The following UGCG variants were observed in gnomAD, a reference collection of about 807,000 sequenced individuals.
UGCG encodes UDP-glucose ceramide glucosyltransferase.
UGCG carries 10 observed loss-of-function variants against 49.5 expected under a neutral mutation model. That is an observed-to-expected ratio of 0.20 (90% CI 0.12 to 0.34). The LOEUF is 0.34. Ranked by LOEUF, UGCG falls within the 10% of genes least tolerant of loss-of-function variation. The pLI, the probability that UGCG is intolerant of heterozygous loss-of-function variation, is 1.00. For synonymous variants in UGCG, 182 were observed against 158.2 expected, an observed-to-expected ratio of 1.15 and a Z score of -1.13; for missense variants, 312 against 483.7, an observed-to-expected ratio of 0.65 and a Z score of 3.33.
chr9:111,916,308 A>G (rs1838108732), intron 2 of UGCG, among the ~76,000 whole-genome samples: 2 of 152,204 alleles, frequency 1.3e-5, no homozygotes, highest in African/African-American at 2.4e-5. Context: ...ACTTAATCTC[A>G]CATTTCAGTT....
rs143847966 is a variant in UGCG at position 111,932,865 on chromosome 9, C to T, written c.1053C>T (p.Val351=). 41 of 1,609,044 alleles carry T rather than the reference C, an allele frequency of 2.5e-5. No homozygotes were observed. Among genetic ancestry groups the T allele is most frequent in the Middle Eastern group, 3.3e-4 (2 of 6,054 alleles). Residue 351 remains valine (V), a synonymous_variant, in exon 9 of 9, where the codon GTC becomes GTT. Coordinates refer to ENST00000374279, the MANE Select transcript of UGCG (RefSeq NM_003358.3). ...TLCFSKLDYA[V]AWFIRESMTI... ...GTTTTTCAAAACTTGATTATGCAGT[C>T]GCCTGGTTCATCCGCGAATCCATGA...
chr9:111,918,539 T>G (rs1434486323), intron 2 of UGCG, among the ~76,000 whole-genome samples: 1 of 152,242 alleles, frequency 6.6e-6, no homozygotes, highest in Non-Finnish European at 1.5e-5. Context: ...TCTGAACTTT[T>G]TTTTGGATAA....
chr9:111,908,303 A>G (rs887985423), intron 1 of UGCG, among the ~76,000 whole-genome samples: 6 of 152,236 alleles, frequency 3.9e-5, no homozygotes, highest in African/African-American at 1.4e-4. Context: ...TCTCACAAAC[A>G]TAACGCAACC....
chr9:111,916,240 A>G (rs1039389587), intron 2 of UGCG, among the ~76,000 whole-genome samples: 6 of 152,216 alleles, frequency 3.9e-5, no homozygotes, highest in Admixed American at 6.5e-5. Flanking sequence ...GAAATTTTCT[A>G]TTGATTATGA....
intron 1 of UGCG, among the ~76,000 whole-genome samples, chr9:111,899,055 G>T (rs1465291757): frequency 6.6e-6 from 1 of 152,124 alleles, no homozygotes; most frequent in African/African-American, 2.4e-5. Flanking sequence ...TACATCATTT[G>T]TAATAGATGC....
At chr9:111,928,531 C>A (rs570566663) in intron 5 of UGCG, among the ~76,000 whole-genome samples, 6 of 152,316 alleles carry the variant, frequency 3.9e-5, no homozygotes, top group African/African-American at 1.4e-4. Flanking sequence ...CAGTGACTAA[C>A]ATCTCATTCC....
intron 1 of UGCG, among the ~76,000 whole-genome samples, chr9:111,904,720 G>A (rs1314813514): frequency 6.6e-6 from 1 of 152,062 alleles, no homozygotes; most frequent in African/African-American, 2.4e-5. Context: ...AAATTAGCCG[G>A]GTGTGGTGGT....
intron 1 of UGCG, among the ~76,000 whole-genome samples, chr9:111,910,904 C>G (rs1444001980): frequency 6.6e-6 from 1 of 152,030 alleles, no homozygotes; most frequent in Non-Finnish European, 1.5e-5. Context: ...CACCACCATG[C>G]CTGGCCATAT....
At chr9:111,922,614 C>G (rs1242886511) in intron 2 of UGCG, among the ~76,000 whole-genome samples, 1 of 152,174 alleles carries the variant, frequency 6.6e-6, no homozygotes, top group African/African-American at 2.4e-5. Flanking sequence ...GTTGTGGGCA[C>G]TGCCAGTCTC....
intron 2 of UGCG, among the ~76,000 whole-genome samples, chr9:111,918,287 C>T (rs543194487): frequency 6.6e-6 from 1 of 152,306 alleles, no homozygotes; most frequent in Non-Finnish European, 1.5e-5. Context: ...GTTGATTCCC[C>T]TGCCTCCGCC....
chr9:111,918,952 C>A (rs78921640), intron 2 of UGCG, among the ~76,000 whole-genome samples: 24 of 146,512 alleles, frequency 1.6e-4, no homozygotes, highest in Admixed American at 1.0e-3. Context: ...AACAAAAAAA[C>A]AAAAAAAAAC....
At chr9:111,903,526 C>T (rs970299337) in intron 1 of UGCG, among the ~76,000 whole-genome samples, 6 of 152,248 alleles carry the variant, frequency 3.9e-5, no homozygotes, top group African/African-American at 1.4e-4. Flanking sequence ...GATTGTGCCA[C>T]TGCACTCCAG....
At position 111,929,558 on chromosome 9, in the gene UGCG, A is replaced by G; in HGVS notation, c.617A>G (p.Lys206Arg). 3 of 1,614,048 alleles carry G rather than the reference A, an allele frequency of 1.9e-6. No individual in the cohort carries two copies. Among genetic ancestry groups the G allele is most frequent in the Non-Finnish European group, 2.5e-6 (3 of 1,179,986 alleles). ...YYISANVTGF[K>R]CVTGMSCLMR... ...ATCTCTGCCAATGTAACTGGTTTCA[A>G]ATGTGTGACAGGAATGTCTTGTTTA... Residue 206 changes from lysine to arginine, a missense_variant, in exon 6 of 9, where the codon AAA becomes AGA. Transcript: ENST00000374279.
chr9:111,906,824 C>G (rs1837894769), intron 1 of UGCG, among the ~76,000 whole-genome samples: 2 of 152,198 alleles, frequency 1.3e-5, no homozygotes, highest in South Asian at 4.1e-4. Flanking sequence ...TCTCCCCTGC[C>G]TGTACTTTAT....
At chr9:111,914,554 T>C (rs1389580564) in intron 1 of UGCG, 51 bp from the exon 2 acceptor site, 1 of 1,555,882 alleles carries the variant, frequency 6.4e-7, no homozygotes, top group Non-Finnish European at 8.8e-7. Context: ...GTGCTTTGAT[T>C]TGACACTAAT....
In UGCG at chr9:111,935,309, T is replaced by C. The variant is rs185708177; in HGVS notation, c.*2312T>C. 4 of 152,338 alleles carry C rather than the reference T, an allele frequency of 2.6e-5. No homozygotes were observed. The highest frequency in any genetic ancestry group is 6.5e-5 in the Admixed American group (1 of 15,298). The allele number at this position is 152,338 out of a possible 1,614,324, so 9.4% of individuals were successfully genotyped here. On this transcript the variant is annotated 3_prime_UTR_variant, in exon 9 of 9. Transcript: ENST00000374279. ...TGTCTAGAATATATACCATGTTTTA[T>C]TATTTAAAATCATTGTCTTAAATTT... is the stretch of plus-strand genomic sequence containing the variant.
chr9:111,921,648 CAAAA>C lies in UGCG; in HGVS notation c.241-1189_241-1186del, dbSNP rs1329952563. Among the ~76,000 whole-genome samples the C allele has an allele frequency of 4.7e-3, 566 of 121,340 alleles. 4 individuals carry two copies. The highest frequency in any genetic ancestry group is 0.016 in the African/African-American group (510 of 32,780). The allele number at this position is 121,340 out of a possible 152,430, so 79.6% of individuals were successfully genotyped here. A position where few individuals can be genotyped will look rare whatever the true frequency, so the allele number is the denominator to read the frequency against. Reference sequence around the variant, plus strand: ...CCTGGGTGACAGTGAGACTCTGTCTCAAAAAAAAAAAAAAAGTTGGGTTGTTAAT... The same window carrying C: ...CCTGGGTGACAGTGAGACTCTGTCTCAAAAAAAAAAAGTTGGGTTGTTAAT... On this transcript the variant is annotated intron_variant, in intron 2 of 8. Transcript: ENST00000374279.
intron 2 of UGCG, among the ~76,000 whole-genome samples, chr9:111,921,315 T>TA (rs1354060329): frequency 3.3e-5 from 5 of 152,090 alleles, no homozygotes; most frequent in African/African-American, 1.2e-4. Flanking sequence ...ATCCTACAAA[T>TA]AATAGAGTAG....
chr9:111,904,991 C>T (rs1034507629), intron 1 of UGCG, among the ~76,000 whole-genome samples: 1 of 152,092 alleles, frequency 6.6e-6, no homozygotes, highest in Admixed American at 6.6e-5. Flanking sequence ...TAGCCAGAGG[C>T]AGTGGTATGC....
Sources: allele counts gnomAD v4.1 joint callset (sites outside exome capture counted in the v4.1 genomes callset), GRCh38; gene constraint gnomAD v4.1.1; transcripts MANE v1.5; gene names NCBI Gene and HGNC (gene_info 2026-07-23, HGNC 2026-07-21).